The following PIK3CB variants were observed in gnomAD, a reference collection of about 807,000 sequenced individuals.
PIK3CB encodes the protein phosphatidylinositol 4,5-bisphosphate 3-kinase catalytic subunit beta isoform.
PIK3CB carries 39 observed loss-of-function variants against 136.8 expected under a neutral mutation model. That is an observed-to-expected ratio of 0.29 (90% CI 0.22 to 0.37). The LOEUF is 0.37. Among genes scored for constraint, PIK3CB ranks in the 10% least tolerant of loss-of-function variants. The pLI is 1.00. For synonymous variants in PIK3CB, 428 were observed against 436.6 expected (o/e 0.98, Z 0.25); for missense variants, 868 against 1,275.4 (o/e 0.68, Z 4.87).
chr3:138,825,837 TG>T, intron 1 of PIK3CB: 2 of 1,212,584 alleles, frequency 1.6e-6, no homozygotes, highest in Non-Finnish European at 1.2e-6. Flanking sequence ...CATGAAGCTT[TG>T]GGTGAAGCTC....
chr3:138,785,825 T>TAAAAAAAAAAAAAAA (rs1039124528), intron 2 of PIK3CB, among the ~76,000 whole-genome samples: 2 of 117,170 alleles, frequency 1.7e-5, no homozygotes, highest in Non-Finnish European at 1.8e-5. Context: ...AATAAATACT[T>TAAAAAAAAAAAAAAA]AAAAAAAAAA....
chr3:138,733,458 A>C lies in PIK3CB; in HGVS notation c.973-20T>G. 1.7e-6 allele frequency: 2 copies of C among 1,197,644 alleles called. No individual in the cohort carries two copies. Among genetic ancestry groups the C allele is most frequent in the South Asian group, 2.6e-5 (2 of 77,114 alleles). The allele number at this position is 1,197,644 out of a possible 1,614,324, so 74.2% of individuals were successfully genotyped here. ...AACATGCTGTAAAAGAATAAAATAA[A>C]TACAAATTATTTTAATGAAAGAAAT... On this transcript the variant is annotated intron_variant, in intron 7 of 23. Transcript: ENST00000674063.
intron 2 of PIK3CB, among the ~76,000 whole-genome samples, chr3:138,788,795 T>C (rs1464875648): frequency 6.7e-6 from 1 of 149,572 alleles, no homozygotes; most frequent in Non-Finnish European, 1.5e-5. Context: ...AAACCCCGTA[T>C]CTACTTAAAA....
At chr3:138,682,096 G>A (rs776409136) in intron 18 of PIK3CB, 51 bp from the exon 19 acceptor site, 2 of 1,082,504 alleles carry the variant, frequency 1.8e-6, no homozygotes, top group South Asian at 1.3e-5. Context: ...TTTATGCCCT[G>A]TAACTCATTA....
rs1333841554 is a variant in PIK3CB at position 138,755,949 on chromosome 3, T to C, written c.202A>G (p.Met68Val). 2.8e-5 allele frequency: 45 copies of C among 1,607,078 alleles called. No homozygotes were observed. Among genetic ancestry groups the C allele is most frequent in the South Asian group, 4.4e-5 (4 of 90,010 alleles). Reference protein sequence around the residue: ...MLWKQVHNYPMFNLLMDIDSY... With the variant: ...MLWKQVHNYPVFNLLMDIDSY... ...TCAATATCCATAAGGAGGTTGAACA[T>C]TGGGTAATTGTGAACTTGCTTCCAT... Residue 68 changes from methionine to valine, a missense_variant, in exon 4 of 24, where the codon ATG (methionine) becomes GTG (valine). By Grantham distance (21) the Met-to-Val change is conservative (BLOSUM62 1). Transcript: ENST00000674063.
intron 2 of PIK3CB, among the ~76,000 whole-genome samples, chr3:138,786,609 G>A (rs2045984161): frequency 6.6e-6 from 1 of 152,070 alleles, no homozygotes. Flanking sequence ...GCCTCCCAAA[G>A]TGCTGGGATT....
intron 2 of PIK3CB, among the ~76,000 whole-genome samples, chr3:138,768,637 C>T (rs1183669741): frequency 1.3e-5 from 2 of 152,224 alleles, no homozygotes; most frequent in Non-Finnish European, 2.9e-5. Context: ...CTGATCATGG[C>T]ACCCAAGCTG....
intron 4 of PIK3CB, among the ~76,000 whole-genome samples, chr3:138,751,976 A>T (rs1019740881): frequency 6.6e-6 from 1 of 151,490 alleles, no homozygotes; most frequent in African/African-American, 2.4e-5. Flanking sequence ...GTATATAAAA[A>T]AAAAAAAAAA....
chr3:138,778,278 C>T, intron 2 of PIK3CB: 1 of 395,560 alleles, frequency 2.5e-6, no homozygotes, highest in Admixed American at 3.0e-5. Context: ...ACCTTCTATA[C>T]CACTAACTGC....
chr3:138,720,509 C>G (rs1260059295), intron 8 of PIK3CB, among the ~76,000 whole-genome samples: 6 of 152,192 alleles, frequency 3.9e-5, no homozygotes, highest in Non-Finnish European at 8.8e-5. Context: ...AATCACCTGC[C>G]TCCTCTCCAT....
chr3:138,819,415 A>T (rs1308082723), intron 1 of PIK3CB, among the ~76,000 whole-genome samples: 1 of 152,066 alleles, frequency 6.6e-6, no homozygotes, highest in Non-Finnish European at 1.5e-5. Context: ...TAGAAAGATA[A>T]CTCTTGGTAA....
chr3:138,833,153 G>T (rs1047208782), intron 1 of PIK3CB, among the ~76,000 whole-genome samples: 2 of 149,274 alleles, frequency 1.3e-5, no homozygotes, highest in South Asian at 4.4e-4. Context: ...TGCAACCTCC[G>T]CCTCCCGGGT....
chr3:138,825,627 A>T lies in PIK3CB; in HGVS notation c.-122+9068T>A. ...ATGGCAATGCCAGGGGAACCATGCT[A>T]CTCGAAGCTCTGGACTGCATCCTAC... is the stretch of plus-strand genomic sequence containing the variant. On this transcript the variant is annotated intron_variant, in intron 1 of 23. Transcript: ENST00000674063. 6.4e-6 allele frequency: 4 copies of T among 624,546 alleles called. No individual in the cohort carries two copies. The South Asian group carries it at 7.8e-5, about 12-fold the overall frequency. 38.7% of individuals were successfully genotyped at this position (624,546 alleles called of 1,614,324 possible). A position where few individuals can be genotyped will look rare whatever the true frequency, so the allele number is the denominator to read the frequency against.
intron 1 of PIK3CB, among the ~76,000 whole-genome samples, chr3:138,820,880 C>T (rs2108899861): frequency 6.6e-6 from 1 of 152,286 alleles, no homozygotes; most frequent in East Asian, 1.9e-4. Flanking sequence ...TAGTGAAAAA[C>T]ATTTAAGTTA....
intron 11 of PIK3CB, among the ~76,000 whole-genome samples, chr3:138,705,200 A>AAAAAAAAAAAAAAAAT (rs2044353746): frequency 1.4e-5 from 2 of 144,170 alleles, no homozygotes; most frequent in Admixed American, 7.2e-5. Context: ...CAAAAAAAAA[A>AAAAAAAAAAAAAAAAT]ACTTATATTT....
Position 138,659,866 on chromosome 3 carries a change from C to CTTT in PIK3CB, c.2797-2034_2797-2032dup, listed in dbSNP as rs56255742. 7.4e-4 allele frequency among the ~76,000 whole-genome samples: 56 copies of CTTT among 75,454 alleles called. 1 individual carries two copies. Among genetic ancestry groups the CTTT allele is most frequent in the African/African-American group, 1.2e-3 (21 of 17,840 alleles). 49.5% of individuals were successfully genotyped at this position (75,454 alleles called of 152,430 possible). On this transcript the variant is annotated intron_variant, in intron 21 of 23. Transcript: ENST00000674063. ...TTAGTAAGTGCCCTTCTTTCCTCTT[C>CTTT]TTTTTTTTTTTTTTTTTTTTTTTTT...
intron 4 of PIK3CB, among the ~76,000 whole-genome samples, chr3:138,745,117 G>A (rs1018548901): frequency 7.9e-5 from 12 of 152,286 alleles, no homozygotes; most frequent in South Asian, 6.2e-4. Context: ...CTTCAGTGGT[G>A]TAATACTCCC....
intron 16 of PIK3CB, among the ~76,000 whole-genome samples, chr3:138,688,248 TC>T (rs2043934093): frequency 1.3e-5 from 2 of 152,028 alleles, no homozygotes; most frequent in South Asian, 4.1e-4. Context: ...ACACATGTAA[TC>T]CCAGCACTTT....
chr3:138,661,661 G>A (rs540045757), intron 21 of PIK3CB, among the ~76,000 whole-genome samples: 31 of 152,306 alleles, frequency 2.0e-4, no homozygotes, highest in African/African-American at 6.3e-4. Context: ...ATCGTACATG[G>A]TGCATTCATG....
Sources: gnomAD v4.1 joint callset for allele counts (sites outside exome capture counted in the v4.1 genomes callset) on GRCh38, gnomAD v4.1.1 for gene constraint, MANE v1.5 for transcripts, NCBI Gene and HGNC (gene_info 2026-07-23, HGNC 2026-07-21) for gene names.